Variants in PCDHGA1 observed in about 807,000 individuals in gnomAD.
PCDHGA1 encodes the protein protocadherin gamma subfamily A, 1, also known as protocadherin gamma-A1.
In PCDHGA1, 32 loss-of-function variants were observed where a neutral mutation model predicts 58.0. That is an observed-to-expected ratio of 0.55 (90% confidence interval 0.42 to 0.74). The LOEUF (loss-of-function observed/expected upper bound fraction) is 0.74, where lower values mean the gene tolerates loss of function less well. Ranked by LOEUF, PCDHGA1 falls within the 30% of genes least tolerant of loss-of-function variation. PCDHGA1 has a pLI of 0.00. For synonymous variants in PCDHGA1, 498 were observed against 501.1 expected, an observed-to-expected ratio of 0.99 and a Z score of 0.08; for missense variants, 1,205 against 1,182.3, an observed-to-expected ratio of 1.02 and a Z score of -0.28.
rs2233602 is a variant in PCDHGA1, at chr5:141,490,032, C to T, written c.2422-4775C>T. 47,990 of 1,614,182 alleles carry T rather than the reference C, an allele frequency of 0.03. 1,413 individuals are homozygous for T. Among genetic ancestry groups the T allele is most frequent in the African/African-American group, 0.15 (11,444 of 75,040 alleles). On this transcript the variant is annotated intron_variant, in intron 1 of 3. Coordinates refer to ENST00000517417, the MANE Select transcript of PCDHGA1 (RefSeq NM_018912.3). The surrounding 1 kb of genome is among the most constrained non-coding windows in gnomAD (Gnocchi z 5.4). ...CCATTGGTACTCTGCTGCTCCGCCT[C>T]AATGCCACTGATCCAGACGAGGGCA...
Position 141,345,321 on chromosome 5 carries a change from C to G in PCDHGA1, c.2421+12216C>G, listed in dbSNP as rs200111367. ...TCTGAGAGCCTCAGATGGGGGAAGCCCGCCACTGTCCACAGAAACTCACAT... is the reference window on the plus strand; with the variant it reads ...TCTGAGAGCCTCAGATGGGGGAAGCGCGCCACTGTCCACAGAAACTCACAT... On this transcript the variant is annotated intron_variant, in intron 1 of 3. Transcript: ENST00000517417. 8.8e-4 allele frequency: 1,418 copies of G among 1,613,972 alleles called. 4 individuals carry two copies. Among genetic ancestry groups the G allele is most frequent in the Middle Eastern group, 3.3e-3 (20 of 6,062 alleles).
At chr5:141,381,826 C>CTTTTTTTTTTTTTTTTTTTT (rs770630741) in intron 1 of PCDHGA1, among the ~76,000 whole-genome samples, 4 of 74,282 alleles carry the variant, frequency 5.4e-5, no homozygotes, top group Admixed American at 1.9e-4. Context: ...CTTTCTTCTT[C>CTTTTTTTTTTTTTTTTTTTT]TTTTTTTTTT....
In PCDHGA1 at chr5:141,331,786, C is replaced by G. The variant is rs139139120; in HGVS notation, c.1102C>G (p.Leu368Val). ...CTTTCCTCCTGGGACCATAATTGCT[C>G]TTATCAGTGTGCATGACCAGGACTC... ...ENFPPGTIIA[L>V]ISVHDQDSGD... Residue 368 changes from leucine to valine, a missense_variant, in exon 1 of 4, where the codon CTT (leucine) becomes GTT (valine). Leu to Val is a conservative substitution (Grantham distance 32, BLOSUM62 1). Coordinates refer to ENST00000517417, the MANE Select transcript of PCDHGA1 (RefSeq NM_018912.3). 120 of 1,614,074 alleles carry G rather than the reference C, an allele frequency of 7.4e-5. No individual in the cohort carries two copies. The highest frequency in any genetic ancestry group is 1.4e-5 in the Non-Finnish European group (16 of 1,180,044).
rs147564249 is a variant in PCDHGA1, at chr5:141,432,378, C to T, written c.2422-62429C>T. 1 of 1,614,234 alleles carries T rather than the reference C, an allele frequency of 6.2e-7. No homozygotes were observed. Among genetic ancestry groups the T allele is most frequent in the Non-Finnish European group, 8.5e-7 (1 of 1,180,044 alleles). ...GTGATGGCGCGGGACAACGGGCACCCGCCCCTCAGCAGCAACGTGTCGTTG... is the reference window on the plus strand; with the variant it reads ...GTGATGGCGCGGGACAACGGGCACCTGCCCCTCAGCAGCAACGTGTCGTTG... On this transcript the variant is annotated intron_variant, in intron 1 of 3. Coordinates refer to ENST00000517417, the MANE Select transcript of PCDHGA1 (RefSeq NM_018912.3). This position sits in a 1 kb window ranked among gnomAD's most constrained non-coding sequence, Gnocchi z 6.0.
At chr5:141,355,202 T>C (rs774942581) in intron 1 of PCDHGA1, 105 of 1,597,250 alleles carry the variant, frequency 6.6e-5, no homozygotes, top group Non-Finnish European at 8.4e-5. Context: ...GGGGTTGTAA[T>C]GGCGGCGCCT....
At chr5:141,459,427 G>A (rs1489214494) in intron 1 of PCDHGA1, among the ~76,000 whole-genome samples, 2 of 152,228 alleles carry the variant, frequency 1.3e-5, no homozygotes, top group Non-Finnish European at 2.9e-5. Flanking sequence ...ATATCACAAT[G>A]TGTTCATTCA....
At chr5:141,415,881 T>C (rs1589997447) in intron 1 of PCDHGA1, 1 of 1,003,346 alleles carries the variant, frequency 1.0e-6, no homozygotes, top group Non-Finnish European at 1.3e-6. Context: ...GAGTACAATA[T>C]TGACAATTCC....
At chr5:141,424,628 A>C (rs962512805) in intron 1 of PCDHGA1, 3 of 152,348 alleles carry the variant, frequency 2.0e-5, no homozygotes, top group African/African-American at 7.2e-5. Flanking sequence ...GTTTGTGAAT[A>C]TATAAATAGA....
intron 1 of PCDHGA1, chr5:141,379,485 T>TA (rs755973263): frequency 2.0e-5 from 3 of 152,260 alleles, no homozygotes; most frequent in Non-Finnish European, 4.4e-5. Flanking sequence ...TATTTTACTA[T>TA]ACTACCAATT....
chr5:141,338,927 C>T (rs777682402), intron 1 of PCDHGA1: 1 of 1,519,746 alleles, frequency 6.6e-7, no homozygotes, highest in Admixed American at 2.2e-5. Context: ...GGAATCCGCA[C>T]TGGATGCTGG....
chr5:141,399,311 A>G, intron 1 of PCDHGA1: 1 of 1,613,970 alleles, frequency 6.2e-7, no homozygotes, highest in Non-Finnish European at 8.5e-7. Flanking sequence ...TCTTCATCCA[A>G]AAATTCGTAT....
At chr5:141,408,675 C>T (rs574868088) in intron 1 of PCDHGA1, 14 of 1,613,950 alleles carry the variant, frequency 8.7e-6, no homozygotes, top group Admixed American at 8.3e-5. Flanking sequence ...GACCCTGCCA[C>T]GGATCCTGAT....
intron 1 of PCDHGA1, among the ~76,000 whole-genome samples, chr5:141,359,359 C>A: frequency 6.6e-6 from 1 of 151,714 alleles, no homozygotes; most frequent in East Asian, 1.9e-4. Context: ...GTTTTAAAGG[C>A]CTAGGAAAGC....
At chr5:141,409,617 C>A (rs2095293168) in intron 1 of PCDHGA1, 1 of 1,613,748 alleles carries the variant, frequency 6.2e-7, no homozygotes, top group South Asian at 1.1e-5. Context: ...GCCTCCATTG[C>A]GCAAGTGAGC....
chr5:141,338,897 C>G, intron 1 of PCDHGA1: 1 of 1,484,202 alleles, frequency 6.7e-7, no homozygotes, highest in East Asian at 2.4e-5. Context: ...GGTTATCTCA[C>G]ACCCTGAGGA....
intron 1 of PCDHGA1, among the ~76,000 whole-genome samples, chr5:141,481,215 G>T (rs1238465869): frequency 6.6e-6 from 1 of 152,152 alleles, no homozygotes; most frequent in Non-Finnish European, 1.5e-5. Context: ...AACATGGTAA[G>T]GTCTCCCAGC....
At position 141,477,210 on chromosome 5, in the gene PCDHGA1, C is replaced by A. The variant is rs780852225; in HGVS notation, c.2422-17597C>A. On this transcript the variant is annotated intron_variant, in intron 1 of 3. Transcript: ENST00000517417. This position sits in a 1 kb window ranked among gnomAD's most constrained non-coding sequence, Gnocchi z 4.9. ...GTGTACAGCCCAGTACCCGAGGATG[C>A]CCCTCTGGGGACTGTCATCGCTTTG... The A allele has an allele frequency of 6.2e-7, 1 of 1,614,142 alleles. No homozygotes were observed. The highest frequency in any genetic ancestry group is 8.5e-7 in the Non-Finnish European group (1 of 1,180,030).
At chr5:141,368,697 G>A (rs1765805391) in intron 1 of PCDHGA1, among the ~76,000 whole-genome samples, 1 of 152,072 alleles carries the variant, frequency 6.6e-6, no homozygotes, top group Admixed American at 6.5e-5. Flanking sequence ...ACTATAAAAT[G>A]CTTGATCCAT....
At chr5:141,340,787 T>C in intron 1 of PCDHGA1, 1 of 1,613,128 alleles carries the variant, frequency 6.2e-7, no homozygotes, top group Admixed American at 1.7e-5. Context: ...CTGGCTGTCT[T>C]ACCACCTGCT....
Sources: gnomAD v4.1 joint callset for allele counts (sites outside exome capture counted in the v4.1 genomes callset) on GRCh38, gnomAD v4.1.1 for gene constraint, Gnocchi (gnomAD v3.1) non-coding constraint, MANE v1.5 for transcripts, NCBI Gene and HGNC (gene_info 2026-07-23, HGNC 2026-07-21) for gene names.